OVCH1: variants seen among roughly 807,000 people sequenced by gnomAD.
OVCH1 encodes ovochymase-1.
In OVCH1, 139 loss-of-function variants were observed where a neutral mutation model predicts 138.4. The ratio of observed to expected loss-of-function variants is 1.00; its 90% confidence interval spans 0.87 to 1.16. The LOEUF is 1.16. OVCH1 is among the 50% of genes most tolerant of loss of function. The pLI is 0.00. For missense variants in OVCH1, 1,367 were observed against 1,357.9 expected (o/e 1.01, Z -0.11); for synonymous variants, 453 against 467.8 (o/e 0.97, Z 0.41).
downstream of OVCH1, among the ~76,000 whole-genome samples, chr12:29,424,462 C>T (rs1474338299): frequency 6.6e-6 from 1 of 152,172 alleles, no homozygotes; most frequent in Non-Finnish European, 1.5e-5. Context: ...GGCCTGTTCC[C>T]AACAGGAAAC....
chr12:29,440,761 A>G lies in OVCH1; in HGVS notation c.3158-1327T>C, dbSNP rs766287097. ...AACATTCTCCTAAATAGAAACACAAATATTCTTAATGCACTTACTTCTAGG... is the reference window on the plus strand; with the variant it reads ...AACATTCTCCTAAATAGAAACACAAGTATTCTTAATGCACTTACTTCTAGG... On this transcript the variant is annotated intron_variant, in intron 25 of 27. Transcript: ENST00000318184. 5 of 455,760 alleles carry G rather than the reference A, an allele frequency of 1.1e-5. No individual in the cohort carries two copies. The East Asian group carries it at 2.8e-4, about 25-fold the overall frequency. The allele number at this position is 455,760 out of a possible 1,614,324, so 28.2% of individuals were successfully genotyped here.
At chr12:29,427,214 G>C (rs952107771), downstream of OVCH1, among the ~76,000 whole-genome samples, 2 of 152,114 alleles carry the variant, frequency 1.3e-5, no homozygotes, top group African/African-American at 4.8e-5. Flanking sequence ...AAGTTACCAA[G>C]CTCTTCCCTC....
exon 2 of OVCH1, chr12:29,496,591 AACT>A (rs753651753): frequency 1.2e-6 from 2 of 1,613,380 alleles, no homozygotes; most frequent in South Asian, 1.1e-5. Context: ...GAATTTCTCC[AACT>A]ACTAATTCTA....
At chr12:29,462,681 A>G (rs1285597470) in intron 18 of OVCH1, among the ~76,000 whole-genome samples, 1 of 152,068 alleles carries the variant, frequency 6.6e-6, no homozygotes, top group Non-Finnish European at 1.5e-5. Context: ...TTACATTTAT[A>G]TAGTATCTTA....
At chr12:29,449,276 T>TACACACACAC (rs10651165) in intron 22 of OVCH1, among the ~76,000 whole-genome samples, 25 of 137,340 alleles carry the variant, frequency 1.8e-4, no homozygotes, top group Non-Finnish European at 2.2e-4. Context: ...CCCCCCTCCC[T>TACACACACAC]ACACACACAC....
chr12:29,430,779 C>T (rs1238951569), intron 27 of OVCH1: 1 of 364,230 alleles, frequency 2.7e-6, no homozygotes, highest in Non-Finnish European at 5.6e-6. Flanking sequence ...CTATTCCTGC[C>T]TGTGGAGTCT....
chr12:29,449,191 T>C (rs532302828), intron 22 of OVCH1, among the ~76,000 whole-genome samples: 13 of 152,000 alleles, frequency 8.6e-5, no homozygotes, highest in Non-Finnish European at 1.8e-4. Flanking sequence ...GACTTGCTCT[T>C]TTACAATATA....
downstream of OVCH1, among the ~76,000 whole-genome samples, chr12:29,427,333 G>T (rs140723669): frequency 4.6e-5 from 7 of 152,304 alleles, no homozygotes; most frequent in African/African-American, 1.7e-4. Flanking sequence ...AAGTTCTGTT[G>T]CCAGGAAATT....
chr12:29,430,399 T>G (rs1036686968), intron 27 of OVCH1, among the ~76,000 whole-genome samples: 2 of 152,152 alleles, frequency 1.3e-5, no homozygotes, highest in African/African-American at 4.8e-5. Flanking sequence ...CCCTCTGCAG[T>G]GACCAAGGTG....
chr12:29,460,534 A>G (rs73278734), intron 19 of OVCH1, among the ~76,000 whole-genome samples: 20,774 of 152,054 alleles, frequency 0.14, 1,401 homozygotes, highest in African/African-American at 0.15. Context: ...AGGCAACCCT[A>G]AAGTATCGGA....
intron 8 of OVCH1, among the ~76,000 whole-genome samples, chr12:29,485,959 AAAATAAAATAAAATAAAT>A (rs770875488): frequency 2.4e-4 from 27 of 110,846 alleles, no homozygotes; most frequent in Admixed American, 6.9e-4. Context: ...TAAATAAAAT[AAAATAAAATAAAATAAAT>A]AAATAAATAA....
chr12:29,494,227 A>T (rs1943350492), intron 4 of OVCH1, among the ~76,000 whole-genome samples: 1 of 152,156 alleles, frequency 6.6e-6, no homozygotes, highest in Non-Finnish European at 1.5e-5. Context: ...AGCTCCTCTC[A>T]TGGCCAGGTC....
At chr12:29,496,184 C>A (rs868078450) in exon 3 of OVCH1, 3 of 1,603,316 alleles carry the variant, frequency 1.9e-6, no homozygotes, top group Non-Finnish European at 2.6e-6. Flanking sequence ...AACTTACTCA[C>A]TGAGGCTGTC....
intron 19 of OVCH1, 147 bp from the exon 20 acceptor site, chr12:29,455,552 T>C: frequency 1.0e-6 from 1 of 957,428 alleles, no homozygotes; most frequent in Non-Finnish European, 1.5e-6. Context: ...CTTTACATAC[T>C]ATCTATTCAC....
At chr12:29,495,258 T>G (rs10492374) in intron 4 of OVCH1, 27 bp downstream of exon 4, 123,256 of 1,582,660 alleles carry the variant, frequency 0.078, 6,693 homozygotes, top group African/African-American at 0.27. Context: ...CCACTGCATT[T>G]TTAATATTCT....
At chr12:29,444,614 A>G (rs1941566507) in intron 23 of OVCH1, among the ~76,000 whole-genome samples, 1 of 152,076 alleles carries the variant, frequency 6.6e-6, no homozygotes, top group African/African-American at 2.4e-5. Flanking sequence ...TTCATATGAT[A>G]TAAATGCTTT....
At position 29,475,054 on chromosome 12, in the gene OVCH1, T is replaced by C; in HGVS notation, c.1600+7A>G. On this transcript the variant is annotated splice_region_variant and intron_variant, in intron 14 of 27. Coordinates refer to ENST00000318184, the Ensembl canonical transcript of OVCH1. Reference sequence around the variant, plus strand: ...AAAGTCCTTATTACACAAATGTTTATACTCACCTGAGGGCAAAATGGTAAA... The same window carrying C: ...AAAGTCCTTATTACACAAATGTTTACACTCACCTGAGGGCAAAATGGTAAA... 6.3e-7 allele frequency: 1 copy of C among 1,580,096 alleles called. No homozygotes were observed. The highest frequency in any genetic ancestry group is 8.6e-7 in the Non-Finnish European group (1 of 1,161,516).
the OVCH1 span, among the ~76,000 whole-genome samples, chr12:29,404,047 T>C: frequency 1.3e-5 from 2 of 152,242 alleles, no homozygotes; most frequent in Non-Finnish European, 2.9e-5. Flanking sequence ...ACCTCTGCAA[T>C]GATAATGATG....
chr12:29,435,435 C>A (rs538317653), intron 26 of OVCH1, among the ~76,000 whole-genome samples: 2 of 152,236 alleles, frequency 1.3e-5, no homozygotes, highest in South Asian at 2.1e-4. Context: ...GGCGCGATCT[C>A]GGCTCACCAC....
Sources: allele counts gnomAD v4.1 joint callset (sites outside exome capture counted in the v4.1 genomes callset), GRCh38; gene constraint gnomAD v4.1.1; transcripts MANE v1.5; gene names NCBI Gene and HGNC (gene_info 2026-07-23, HGNC 2026-07-21).